HECW2: variants seen among roughly 807,000 people sequenced by gnomAD.
HECW2 encodes the protein HECT, C2 and WW domain containing E3 ubiquitin protein ligase 2.
In HECW2, 61 loss-of-function variants were observed where a neutral mutation model predicts 175.2. The observed-to-expected ratio is 0.35, with a 90% CI of 0.28 to 0.43. HECW2 has a LOEUF of 0.43. HECW2 is among the 20% of genes least tolerant of loss of function. The pLI, the probability that HECW2 is intolerant of heterozygous loss-of-function variation, is 1.00. For missense variants in HECW2, 1,524 were observed against 2,000.5 expected, an observed-to-expected ratio of 0.76 and a Z score of 4.54; for synonymous variants, 671 against 731.0, an observed-to-expected ratio of 0.92 and a Z score of 1.32.
intron 1 of HECW2, among the ~76,000 whole-genome samples, chr2:196,556,470 T>C (rs988391871): frequency 6.6e-5 from 10 of 152,228 alleles, no homozygotes; most frequent in Non-Finnish European, 1.5e-4. Context: ...CCGACCCTTC[T>C]ACTCTCTGTT....
rs529560697 is a variant in HECW2, at chr2:196,370,484, G to A, written c.293-26720C>T. Among the ~76,000 whole-genome samples, 15 of 152,214 alleles carry A rather than the reference G, an allele frequency of 9.9e-5. No homozygotes were observed. In the South Asian group the frequency reaches 2.5e-3, roughly 25 times the overall value. ...TTGGAACTGTGAGCTGTGCTGCCTGGGGGTGGGAGAGGGATGGCACAAGCA... is the reference window on the plus strand; with the variant it reads ...TTGGAACTGTGAGCTGTGCTGCCTGAGGGTGGGAGAGGGATGGCACAAGCA... On this transcript the variant is annotated intron_variant, in intron 2 of 28. Coordinates refer to ENST00000644978, the MANE Select transcript of HECW2 (RefSeq NM_001348768.2).
intron 14 of HECW2, among the ~76,000 whole-genome samples, chr2:196,286,402 T>TATATATATATATATATATA (rs1391832927): frequency 2.6e-4 from 30 of 116,980 alleles, no homozygotes; most frequent in Non-Finnish European, 3.4e-4. Context: ...ATATATATAT[T>TATATATATATATATATATA]TAAATCCATG....
intron 2 of HECW2, among the ~76,000 whole-genome samples, chr2:196,386,362 A>G (rs1315356690): frequency 6.6e-6 from 1 of 152,190 alleles, no homozygotes; most frequent in Non-Finnish European, 1.5e-5. Flanking sequence ...TTGAGCAAAG[A>G]ATTGAGTGAG....
intron 1 of HECW2, among the ~76,000 whole-genome samples, chr2:196,501,051 G>A (rs1687562634): frequency 1.3e-5 from 2 of 152,186 alleles, no homozygotes; most frequent in Non-Finnish European, 2.9e-5. Flanking sequence ...AGAAATTGAA[G>A]TAATAATAAC....
At chr2:196,556,755 T>C (rs1437110307) in intron 1 of HECW2, among the ~76,000 whole-genome samples, 3 of 152,094 alleles carry the variant, frequency 2.0e-5, no homozygotes, top group African/African-American at 4.8e-5. Flanking sequence ...GGAGTGGAGA[T>C]AGATATCCCA....
rs918355770 is a variant in HECW2, at chr2:196,243,830, C to T, written c.3530-1626G>A. On this transcript the variant is annotated intron_variant, in intron 19 of 28. Coordinates refer to ENST00000644978, the MANE Select transcript of HECW2 (RefSeq NM_001348768.2). ...CTGACCTCAGGTGATCCGCCCACCT[C>T]GGCCTTCCAAAGTGCTGGGATTACA... 6.6e-5 allele frequency among the ~76,000 whole-genome samples: 10 copies of T among 152,108 alleles called. No individual in the cohort carries two copies. In the East Asian group the frequency reaches 7.8e-4, roughly 12 times the overall value.
At chr2:196,473,022 A>G (rs1379750401) in intron 1 of HECW2, among the ~76,000 whole-genome samples, 1 of 152,242 alleles carries the variant, frequency 6.6e-6, no homozygotes, top group African/African-American at 2.4e-5. Context: ...AAATTGTAGA[A>G]TCTTGTCCTG....
At position 196,257,809 on chromosome 2, in the gene HECW2, T is replaced by C. The variant is rs190422695; in HGVS notation, c.3419+14A>G. The C allele has an allele frequency of 1.8e-5, 29 of 1,586,522 alleles. No homozygotes were observed. The highest frequency in any genetic ancestry group is 6.7e-5 in the Admixed American group (4 of 59,702). ...AGAGACCTTCTGCTTCAAGAGTGAG[T>C]GTTACGTATGTACCTCAGCAACATA... On this transcript the variant is annotated intron_variant, in intron 18 of 28. Coordinates refer to ENST00000644978, the MANE Select transcript of HECW2 (RefSeq NM_001348768.2).
intron 2 of HECW2, among the ~76,000 whole-genome samples, chr2:196,432,289 A>G (rs1400971910): frequency 6.6e-6 from 1 of 152,066 alleles, no homozygotes; most frequent in East Asian, 1.9e-4. Flanking sequence ...TACAACTTAC[A>G]TTGAAAGCAA....
At chr2:196,475,246 A>G (rs368906119) in intron 1 of HECW2, among the ~76,000 whole-genome samples, 1 of 151,958 alleles carries the variant, frequency 6.6e-6, no homozygotes, top group Non-Finnish European at 1.5e-5. Flanking sequence ...AGAGTTCCCA[A>G]ATCTAATCAC....
intron 1 of HECW2, among the ~76,000 whole-genome samples, chr2:196,567,642 C>A (rs1381983889): frequency 6.6e-6 from 1 of 152,172 alleles, no homozygotes; most frequent in Non-Finnish European, 1.5e-5. Flanking sequence ...AGATATTTCT[C>A]TGATTCCATA....
In HECW2 at chr2:196,310,768, T is replaced by TTGTGTGTGTGTG. The variant is rs143340435; in HGVS notation, c.2435-2695_2435-2684dup. 6.4e-3 allele frequency among the ~76,000 whole-genome samples: 945 copies of TTGTGTGTGTGTG among 148,230 alleles called. 9 individuals are homozygous for TTGTGTGTGTGTG. The highest frequency in any genetic ancestry group is 0.011 in the African/African-American group (438 of 40,576). On this transcript the variant is annotated intron_variant, in intron 10 of 28. Coordinates refer to ENST00000644978, the MANE Select transcript of HECW2 (RefSeq NM_001348768.2). ...TGCAGTGAAAACGAGAGCAACGATT[T>TTGTGTGTGTGTG]TGTGTGTGTGTGTGTGTGTGTTTTG...
chr2:196,356,099 GAAAC>G (rs1450082531), intron 2 of HECW2, among the ~76,000 whole-genome samples: 2 of 152,228 alleles, frequency 1.3e-5, no homozygotes, highest in East Asian at 3.8e-4. Flanking sequence ...AGACATGAGA[GAAAC>G]AGACAGGCAG....
chr2:196,235,645 A>ATTTTTTTTTT (rs1559454147), intron 21 of HECW2, among the ~76,000 whole-genome samples: 1 of 100,498 alleles, frequency 1.0e-5, no homozygotes. Context: ...TAGATGCATT[A>ATTTTTTTTTT]TTCTTTTTTT....
chr2:196,517,654 C>A (rs907539315), intron 1 of HECW2, among the ~76,000 whole-genome samples: 2 of 152,094 alleles, frequency 1.3e-5, no homozygotes, highest in Non-Finnish European at 2.9e-5. Context: ...TGGTCTTAAT[C>A]ATATAATAAT....
At chr2:196,375,689 T>C (rs1694032309) in intron 2 of HECW2, among the ~76,000 whole-genome samples, 2 of 152,174 alleles carry the variant, frequency 1.3e-5, no homozygotes, top group African/African-American at 4.8e-5. Flanking sequence ...TATCATGCAA[T>C]GGCTAGGAAA....
At chr2:196,284,360 C>T (rs766266755) in intron 14 of HECW2, among the ~76,000 whole-genome samples, 1 of 152,154 alleles carries the variant, frequency 6.6e-6, no homozygotes, top group Non-Finnish European at 1.5e-5. Flanking sequence ...ATATTGTTTA[C>T]ACATGTTTTT....
intron 28 of HECW2, among the ~76,000 whole-genome samples, chr2:196,215,242 G>A (rs977614425): frequency 6.6e-6 from 1 of 152,170 alleles, no homozygotes; most frequent in East Asian, 1.9e-4. Flanking sequence ...ATGTGTGGAC[G>A]TTGTAATAAG....
intron 1 of HECW2, among the ~76,000 whole-genome samples, chr2:196,435,737 G>A (rs1430471713): frequency 6.6e-6 from 1 of 152,126 alleles, no homozygotes; most frequent in Non-Finnish European, 1.5e-5. Context: ...TATGATCTTA[G>A]ACAATTTATT....
Sources: gnomAD v4.1 joint callset for allele counts (sites outside exome capture counted in the v4.1 genomes callset) on GRCh38, gnomAD v4.1.1 for gene constraint, MANE v1.5 for transcripts, NCBI Gene and HGNC (gene_info 2026-07-23, HGNC 2026-07-21) for gene names.